LCOR: variants seen among roughly 807,000 people sequenced by gnomAD.
The protein encoded by LCOR is ligand-dependent corepressor.
LCOR carries 14 observed loss-of-function variants against 64.4 expected under a neutral mutation model. The ratio of observed to expected loss-of-function variants is 0.22; its 90% CI spans 0.14 to 0.34. The LOEUF (loss-of-function observed/expected upper bound fraction) is 0.34. Among genes scored for constraint, LCOR ranks in the 10% least tolerant of loss-of-function variants. LCOR has a pLI of 1.00. For synonymous variants in LCOR, 643 were observed against 642.5 expected (o/e 1.00, Z -0.01); for missense variants, 1,686 against 1,765.3 (o/e 0.96, Z 0.80).
At chr10:96,920,651 T>C (rs1019507178) in intron 4 of LCOR, among the ~76,000 whole-genome samples, 3 of 138,078 alleles carry the variant, frequency 2.2e-5, no homozygotes, top group Non-Finnish European at 4.5e-5. Flanking sequence ...TGTGTATATA[T>C]GTGTATATAT....
At chr10:96,854,896 G>A (rs1400006782) in intron 2 of LCOR, among the ~76,000 whole-genome samples, 2 of 152,008 alleles carry the variant, frequency 1.3e-5, no homozygotes, top group African/African-American at 2.4e-5. Flanking sequence ...ATTATTTTGG[G>A]GAAAAATTAT....
At chr10:96,880,791 G>A (rs145336614) in intron 2 of LCOR, among the ~76,000 whole-genome samples, 3 of 152,278 alleles carry the variant, frequency 2.0e-5, no homozygotes, top group African/African-American at 4.8e-5. Flanking sequence ...TGAGTCATCA[G>A]TACAATTTTA....
intron 2 of LCOR, among the ~76,000 whole-genome samples, chr10:96,899,817 A>G (rs1846603092): frequency 6.6e-6 from 1 of 152,154 alleles, no homozygotes; most frequent in Non-Finnish European, 1.5e-5. Flanking sequence ...TCAATTATAC[A>G]TTTTAAATTA....
At position 96,949,023 on chromosome 10, in the gene LCOR, C is replaced by G. The variant is rs765612215; in HGVS notation, c.-35C>G. ...TTATTTACAGACAGTCCCTGGGTCT[C>G]CGACCCCAATATTCCCCTAGTGGCC... On this transcript the variant is annotated 5_prime_UTR_variant, in exon 6 of 8. Coordinates refer to ENST00000421806, the MANE Select transcript of LCOR (RefSeq NM_001346516.2). The G allele has an allele frequency of 9.9e-6, 16 of 1,610,846 alleles. No homozygotes were observed. Among genetic ancestry groups the G allele is most frequent in the Middle Eastern group, 1.6e-4 (1 of 6,072 alleles).
At chr10:96,958,608 C>T in intron 7 of LCOR, 2 of 605,140 alleles carry the variant, frequency 3.3e-6, no homozygotes. Flanking sequence ...GATTAAAAGT[C>T]CTGAGACCTG....
rs1465630129 is a variant in LCOR at position 96,989,149 on chromosome 10, C to T, written c.*4015C>T. ...CGATATGCACTACTATCCCCTTAAA[C>T]TTGAGCAACCTTAGCATTCCATCTT... On this transcript the variant is annotated 3_prime_UTR_variant, in exon 8 of 8. Transcript: ENST00000421806. 6.6e-6 allele frequency: 1 copy of T among 152,108 alleles called. No homozygotes were observed. The allele number at this position is 152,108 out of a possible 1,614,324, so 9.4% of individuals were successfully genotyped here. A position where few individuals can be genotyped will look rare whatever the true frequency, so the allele number is the denominator to read the frequency against.
In LCOR at chr10:96,861,116, G is replaced by A. The variant is rs535522243; in HGVS notation, c.-330+27637G>A. Among the ~76,000 whole-genome samples the A allele has an allele frequency of 7.2e-5, 11 of 152,216 alleles. No individual in the cohort carries two copies. The South Asian group carries it at 2.1e-3, about 29-fold the overall frequency. On this transcript the variant is annotated intron_variant, in intron 2 of 7. Transcript: ENST00000421806. ...ATATTCTTTTGGTTTCTAATTTATA[G>A]AAAGTGGGTATCTTCTTGTTCTGTA...
At chr10:96,922,890 G>A (rs190270388) in intron 4 of LCOR, among the ~76,000 whole-genome samples, 1 of 152,082 alleles carries the variant, frequency 6.6e-6, no homozygotes, top group Non-Finnish European at 1.5e-5. Flanking sequence ...TTTGAATGCC[G>A]TATTTAACTC....
chr10:96,965,628 C>T (rs930041954), intron 7 of LCOR, among the ~76,000 whole-genome samples: 9 of 139,966 alleles, frequency 6.4e-5, no homozygotes, highest in African/African-American at 2.2e-4. Flanking sequence ...CGCCACTGCA[C>T]TCCAGCCTGG....
At chr10:96,954,965 A>G in intron 7 of LCOR, 5 of 1,613,544 alleles carry the variant, frequency 3.1e-6, no homozygotes, top group Non-Finnish European at 4.2e-6. Flanking sequence ...GACCTGGGAG[A>G]CCCAGCCAGT....
intron 2 of LCOR, among the ~76,000 whole-genome samples, chr10:96,854,850 A>G (rs1845777006): frequency 6.6e-6 from 1 of 152,184 alleles, no homozygotes; most frequent in Non-Finnish European, 1.5e-5. Context: ...AATCATTTAA[A>G]TGGTGTCTTT....
chr10:96,924,959 A>G (rs1283540464), intron 4 of LCOR, among the ~76,000 whole-genome samples: 1 of 152,160 alleles, frequency 6.6e-6, no homozygotes, highest in African/African-American at 2.4e-5. Flanking sequence ...TTAGTTTAAA[A>G]TCCAATTTAG....
chr10:96,965,781 C>T (rs550006454), intron 7 of LCOR, among the ~76,000 whole-genome samples: 44 of 151,988 alleles, frequency 2.9e-4, no homozygotes, highest in African/African-American at 1.1e-3. Context: ...TTATTTGTTC[C>T]CCTTAATTAT....
intron 2 of LCOR, among the ~76,000 whole-genome samples, chr10:96,899,632 A>G (rs910256727): frequency 2.6e-5 from 4 of 152,154 alleles, no homozygotes; most frequent in Admixed American, 2.0e-4. Flanking sequence ...AGTATAAATT[A>G]AATTTATTTT....
chr10:96,937,700 C>G (rs984918031), intron 4 of LCOR, among the ~76,000 whole-genome samples: 22 of 152,232 alleles, frequency 1.4e-4, no homozygotes, highest in Non-Finnish European at 2.8e-4. Context: ...AATACCATTT[C>G]TTCACAAACT....
intron 2 of LCOR, among the ~76,000 whole-genome samples, chr10:96,849,694 C>T (rs1001796430): frequency 3.9e-5 from 6 of 152,082 alleles, no homozygotes; most frequent in Non-Finnish European, 7.4e-5. Flanking sequence ...AACATCCTCC[C>T]GGTGCTTTTC....
At chr10:96,839,830 C>A (rs572280260) in intron 2 of LCOR, among the ~76,000 whole-genome samples, 1 of 151,972 alleles carries the variant, frequency 6.6e-6, no homozygotes, top group African/African-American at 2.4e-5. Context: ...GTATTACAGG[C>A]GGGTGGCACC....
chr10:96,876,956 A>G (rs1165562791), intron 2 of LCOR, among the ~76,000 whole-genome samples: 3 of 152,150 alleles, frequency 2.0e-5, no homozygotes, highest in Non-Finnish European at 4.4e-5. Flanking sequence ...CGGCCTCCCA[A>G]AGTGCAGGGA....
intron 4 of LCOR, among the ~76,000 whole-genome samples, chr10:96,936,565 G>A (rs983864398): frequency 6.6e-6 from 1 of 152,102 alleles, no homozygotes; most frequent in Non-Finnish European, 1.5e-5. Context: ...AAAGAATTGG[G>A]GAATACAGTG....
Sources: gnomAD v4.1 joint callset for allele counts (sites outside exome capture counted in the v4.1 genomes callset) on GRCh38, gnomAD v4.1.1 for gene constraint, MANE v1.5 for transcripts, NCBI Gene and HGNC (gene_info 2026-07-23, HGNC 2026-07-21) for gene names.